The following C2CD3 variants were observed in gnomAD, a reference collection of about 807,000 sequenced individuals.
C2CD3 encodes C2 domain-containing protein 3.
A neutral mutation model predicts 234.0 loss-of-function variants in C2CD3; 148 were observed. The ratio of observed to expected loss-of-function variants is 0.63; its 90% confidence interval spans 0.55 to 0.72. C2CD3 has a LOEUF of 0.72. C2CD3 is among the 30% of genes least tolerant of loss of function. The pLI is 0.00. For missense variants in C2CD3, 2,577 were observed against 2,811.5 expected (o/e 0.92, Z 1.89); for synonymous variants, 1,000 against 1,035.4 (o/e 0.97, Z 0.66).
At chr11:74,081,244 G>A (rs916685763) in intron 22 of C2CD3, among the ~76,000 whole-genome samples, 9 of 152,172 alleles carry the variant, frequency 5.9e-5, no homozygotes, top group Non-Finnish European at 1.5e-5. Context: ...GGGGCTCAGA[G>A]AGGTCAAATC....
Position 74,093,842 on chromosome 11 carries a change from A to T in C2CD3, c.3318T>A (p.Gly1106=), listed in dbSNP as rs777715147. 7.4e-6 allele frequency: 12 copies of T among 1,613,860 alleles called. No individual in the cohort carries two copies. In the East Asian group the frequency reaches 2.5e-4, roughly 33 times the overall value. Residue 1106 remains glycine (G), a synonymous_variant, in exon 18 of 33, where the codon GGT becomes GGA. Coordinates refer to ENST00000334126, the MANE Select transcript of C2CD3 (RefSeq NM_001286577.2). ...AFSAQGLVPG[G]GVQFEIWCRY... is the part of the protein sequence containing the mutation. ...TGCACCAGATTTCAAACTGGACTCC[A>T]CCTCCAGGCACGAGGCCCTGTGCAG... is the stretch of plus-strand genomic sequence containing the variant.
At chr11:74,030,424 G>C (rs1192493250) in intron 31 of C2CD3, among the ~76,000 whole-genome samples, 1 of 152,128 alleles carries the variant, frequency 6.6e-6, no homozygotes, top group Admixed American at 6.5e-5. Context: ...ACCACTGTAA[G>C]GTCCTCCTTA....
At chr11:74,081,350 C>T (rs893433767) in intron 22 of C2CD3, among the ~76,000 whole-genome samples, 1 of 152,012 alleles carries the variant, frequency 6.6e-6, no homozygotes, top group Non-Finnish European at 1.5e-5. Flanking sequence ...GGCATTTATC[C>T]CATGTCCTTA....
At chr11:74,108,670 C>T (rs948152250) in intron 12 of C2CD3, among the ~76,000 whole-genome samples, 7 of 152,114 alleles carry the variant, frequency 4.6e-5, no homozygotes, top group Non-Finnish European at 1.0e-4. Context: ...GATCTAAAGA[C>T]AGCAGATTTG....
At chr11:74,041,494 T>C (rs1193768540) in intron 29 of C2CD3, among the ~76,000 whole-genome samples, 1 of 152,114 alleles carries the variant, frequency 6.6e-6, no homozygotes, top group Non-Finnish European at 1.5e-5. Flanking sequence ...TACCCTGCAT[T>C]ATAATTATTT....
At chr11:74,094,871 T>C (rs1247815624) in intron 17 of C2CD3, among the ~76,000 whole-genome samples, 1 of 152,184 alleles carries the variant, frequency 6.6e-6, no homozygotes, top group African/African-American at 2.4e-5. Context: ...ATGGTGGCTT[T>C]ACAGAACAGA....
intron 14 of C2CD3, 98 bp from the exon 15 acceptor site, chr11:74,100,774 G>A: frequency 9.9e-7 from 1 of 1,014,868 alleles, no homozygotes; most frequent in Non-Finnish European, 1.4e-6. Context: ...AAAGCCTATT[G>A]TTAACACACA....
chr11:74,168,245 T>C, intron 2 of C2CD3, 99 bp downstream of exon 2: 1 of 912,904 alleles, frequency 1.1e-6, no homozygotes, highest in Non-Finnish European at 1.7e-6. Flanking sequence ...TAATTAAGAA[T>C]GCCCATATAT....
At chr11:74,084,432 TA>T (rs58232839) in intron 22 of C2CD3, among the ~76,000 whole-genome samples, 66,947 of 134,650 alleles carry the variant, frequency 0.5, 15,193 homozygotes, top group Non-Finnish European at 0.5. Flanking sequence ...TAAAGTATAA[TA>T]AAAAAAAAAA....
intron 3 of C2CD3, among the ~76,000 whole-genome samples, chr11:74,160,171 C>T (rs2178000): frequency 0.28 from 43,120 of 151,906 alleles, 7,128 homozygotes; most frequent in African/African-American, 0.46. Flanking sequence ...AGTACACTGA[C>T]GTTCGCACAA....
intron 26 of C2CD3, among the ~76,000 whole-genome samples, chr11:74,052,804 AG>A (rs1288671251): frequency 6.6e-6 from 1 of 152,180 alleles, no homozygotes; most frequent in East Asian, 1.9e-4. Flanking sequence ...GCAGAGAGAA[AG>A]GTCAGTCAAT....
intron 24 of C2CD3, among the ~76,000 whole-genome samples, chr11:74,064,805 A>T (rs917314768): frequency 6.6e-6 from 1 of 152,230 alleles, no homozygotes; most frequent in Admixed American, 6.5e-5. Context: ...AAACCTGACA[A>T]AAACAAATGG....
chr11:74,125,694 C>T (rs1439769430), intron 7 of C2CD3, among the ~76,000 whole-genome samples: 4 of 152,222 alleles, frequency 2.6e-5, no homozygotes, highest in Non-Finnish European at 4.4e-5. Context: ...TAATTTATTG[C>T]ACCTTTTTTC....
intron 2 of C2CD3, chr11:74,168,086 TTTAA>T (rs1856922139): frequency 5.3e-6 from 2 of 380,282 alleles, no homozygotes; most frequent in Admixed American, 4.2e-5. Context: ...CTCCAACTTG[TTTAA>T]TTGTCTATAA....
At chr11:74,150,812 A>G (rs1855593843) in intron 3 of C2CD3, among the ~76,000 whole-genome samples, 1 of 152,162 alleles carries the variant, frequency 6.6e-6, no homozygotes, top group Non-Finnish European at 1.5e-5. Context: ...CAAAATTATC[A>G]AAACTTGAGT....
chr11:74,027,748 A>G (rs1952362345), intron 32 of C2CD3, among the ~76,000 whole-genome samples: 1 of 151,952 alleles, frequency 6.6e-6, no homozygotes, highest in Non-Finnish European at 1.5e-5. Context: ...AGTTATTATT[A>G]TTGTTTATTT....
At chr11:74,082,290 T>C (rs1955415609) in intron 22 of C2CD3, among the ~76,000 whole-genome samples, 4 of 152,078 alleles carry the variant, frequency 2.6e-5, no homozygotes, top group African/African-American at 9.7e-5. Flanking sequence ...TAATTTTCTG[T>C]ATTTTTAGTA....
intron 19 of C2CD3, chr11:74,091,304 T>A (rs1236708581): frequency 1.2e-5 from 2 of 171,870 alleles, no homozygotes; most frequent in African/African-American, 2.4e-5. Flanking sequence ...ACACCTCACA[T>A]ACTTCTATCA....
At chr11:74,041,958 T>G in intron 29 of C2CD3, 96 bp downstream of exon 29, 1 of 1,235,680 alleles carries the variant, frequency 8.1e-7, no homozygotes, top group Non-Finnish European at 1.2e-6. Flanking sequence ...CCTAGGGCGG[T>G]GGCAGGTGAT....
Sources: allele counts gnomAD v4.1 joint callset (sites outside exome capture counted in the v4.1 genomes callset), GRCh38; gene constraint gnomAD v4.1.1; transcripts MANE v1.5; gene names NCBI Gene and HGNC (gene_info 2026-07-23, HGNC 2026-07-21).